BMP5: variants seen among roughly 807,000 people sequenced by gnomAD.
BMP5 encodes bone morphogenetic protein 5.
BMP5 carries 23 observed loss-of-function variants against 46.6 expected under a neutral mutation model. That is an observed-to-expected ratio of 0.49 (90% CI 0.35 to 0.70). The LOEUF is 0.70. Among genes scored for constraint, BMP5 ranks in the 30% least tolerant of loss-of-function variants. The pLI is 0.00. For missense variants in BMP5, 545 were observed against 565.6 expected, an observed-to-expected ratio of 0.96 and a Z score of 0.37; for synonymous variants, 204 against 191.9, an observed-to-expected ratio of 1.06 and a Z score of -0.52.
chr6:55,835,209 A>C (rs1341211248), intron 1 of BMP5, among the ~76,000 whole-genome samples: 1 of 152,164 alleles, frequency 6.6e-6, no homozygotes, highest in Non-Finnish European at 1.5e-5. Context: ...TTTTCAAGAT[A>C]TTATCGAAAA....
At chr6:55,797,844 C>A (rs57745532) in intron 2 of BMP5, among the ~76,000 whole-genome samples, 27,594 of 151,946 alleles carry the variant, frequency 0.18, 2,749 homozygotes, top group Middle Eastern at 0.26. Context: ...TCTCGATCTC[C>A]TGACCTCGTC....
At chr6:55,787,690 G>C (rs1365024692) in intron 3 of BMP5, among the ~76,000 whole-genome samples, 1 of 151,542 alleles carries the variant, frequency 6.6e-6, no homozygotes, top group Non-Finnish European at 1.5e-5. Context: ...AATTATCACA[G>C]GTTGAAAAGG....
chr6:55,847,241 C>T (rs1042039277), intron 1 of BMP5, among the ~76,000 whole-genome samples: 2 of 151,892 alleles, frequency 1.3e-5, no homozygotes, highest in African/African-American at 4.8e-5. Context: ...TTTGCCAGAC[C>T]CAGGATAAAT....
In BMP5 at chr6:55,874,513, G is replaced by T. The variant is rs778186001; in HGVS notation, c.353C>A (p.Ala118Asp). The T allele has an allele frequency of 1.9e-6, 3 of 1,613,288 alleles. No homozygotes were observed. Among genetic ancestry groups the T allele is most frequent in the African/African-American group, 2.7e-5 (2 of 74,814 alleles). Residue 118 changes from alanine (A) to aspartate (D), a missense_variant, in exon 1 of 7, where the codon GCC becomes GAC. By Grantham distance (126) the Ala-to-Asp change is moderately radical (BLOSUM62 -2). Transcript: ENST00000370830. ...ETRGARKGYPASPNGYPRRIQ... is the reference protein window; with the variant it reads ...ETRGARKGYPDSPNGYPRRIQ... ...GCGACGAGGATACCCATTGGGAGAG[G>T]CTGGGTATCCCTTTCTTGCCCCTCT...
At chr6:55,759,181 A>AAAAAAAAAAAAAAAC in intron 5 of BMP5, 66 bp from the exon 6 acceptor site, 1 of 751,016 alleles carries the variant, frequency 1.3e-6, no homozygotes, top group Admixed American at 3.2e-5. Flanking sequence ...AAAAAAAAAA[A>AAAAAAAAAAAAAAAC]AACAACAAGA....
At chr6:55,791,497 G>A (rs1447089835) in intron 3 of BMP5, among the ~76,000 whole-genome samples, 1 of 152,050 alleles carries the variant, frequency 6.6e-6, no homozygotes, top group African/African-American at 2.4e-5. Context: ...CCTTTTAAAG[G>A]AGTAAAACAT....
At chr6:55,772,160 A>G (rs1484268366) in intron 4 of BMP5, among the ~76,000 whole-genome samples, 1 of 151,952 alleles carries the variant, frequency 6.6e-6, no homozygotes, top group Non-Finnish European at 1.5e-5. Flanking sequence ...AAAAGAAAAT[A>G]TTGGTCTATA....
intron 1 of BMP5, among the ~76,000 whole-genome samples, chr6:55,857,013 G>A (rs549183727): frequency 3.3e-5 from 5 of 152,120 alleles, no homozygotes; most frequent in East Asian, 1.9e-4. Context: ...TGACACTGCC[G>A]AAGCTTTGTA....
At chr6:55,841,788 T>C (rs190346638) in intron 1 of BMP5, among the ~76,000 whole-genome samples, 2 of 152,188 alleles carry the variant, frequency 1.3e-5, no homozygotes, top group Admixed American at 1.3e-4. Flanking sequence ...AAAGGCTTTA[T>C]GTTAACTTAA....
In BMP5 at chr6:55,838,974, T is replaced by C. The variant is rs143639997; in HGVS notation, c.491-19127A>G. ...AATTGTATAATTGGATGAGTTTGAA[T>C]AGACGAATACACTTATCTAACTGAA... On this transcript the variant is annotated intron_variant, in intron 1 of 6. Coordinates refer to ENST00000370830, the MANE Select transcript of BMP5 (RefSeq NM_021073.4). Among the ~76,000 whole-genome samples, 644 of 152,304 alleles carry C rather than the reference T, an allele frequency of 4.2e-3. 4 individuals are homozygous for C. Among genetic ancestry groups the C allele is most frequent in the African/African-American group, 0.015 (612 of 41,580 alleles).
intron 6 of BMP5, among the ~76,000 whole-genome samples, chr6:55,758,175 T>C (rs2127514564): frequency 6.6e-6 from 1 of 152,066 alleles, no homozygotes; most frequent in South Asian, 2.1e-4. Flanking sequence ...ATGTGTTCTC[T>C]CCCATTCTTC....
chr6:55,845,142 G>T (rs1777065833), intron 1 of BMP5, among the ~76,000 whole-genome samples: 1 of 151,886 alleles, frequency 6.6e-6, no homozygotes, highest in Non-Finnish European at 1.5e-5. Flanking sequence ...ATCTTTACAT[G>T]GCACATGTGC....
intron 1 of BMP5, among the ~76,000 whole-genome samples, chr6:55,838,128 C>T (rs1776865793): frequency 6.6e-6 from 1 of 152,178 alleles, no homozygotes; most frequent in South Asian, 2.1e-4. Flanking sequence ...CACAGGAGTG[C>T]AGTTATCTCT....
intron 1 of BMP5, among the ~76,000 whole-genome samples, chr6:55,843,877 A>G (rs1027717129): frequency 4.6e-5 from 7 of 152,162 alleles, no homozygotes; most frequent in Non-Finnish European, 1.0e-4. Flanking sequence ...AAATAATTTT[A>G]AAATACACCT....
At chr6:55,865,887 G>T (rs929312334) in intron 1 of BMP5, among the ~76,000 whole-genome samples, 2 of 152,116 alleles carry the variant, frequency 1.3e-5, no homozygotes, top group Non-Finnish European at 2.9e-5. Context: ...TTTGCTCAAG[G>T]ATACGCAGCT....
In BMP5 at chr6:55,808,714, T is replaced by A. The variant is rs111873004; in HGVS notation, c.683+10941A>T. Among the ~76,000 whole-genome samples the A allele has an allele frequency of 3.1e-3, 465 of 152,256 alleles. 2 individuals are homozygous for A. Among genetic ancestry groups the A allele is most frequent in the African/African-American group, 0.011 (438 of 41,548 alleles). On this transcript the variant is annotated intron_variant, in intron 2 of 6. Transcript: ENST00000370830. ...ACCACCTCCCTTGGCTGGGGGGTGG[T>A]GGCCCCTCTGCCCCATGAGGCCCTC...
chr6:55,822,735 A>T (rs1029030516), intron 1 of BMP5, among the ~76,000 whole-genome samples: 1 of 152,134 alleles, frequency 6.6e-6, no homozygotes, highest in Non-Finnish European at 1.5e-5. Context: ...CCCCTGTGAG[A>T]TGTTAGTGTA....
chr6:55,855,570 C>T (rs547954800), intron 1 of BMP5, among the ~76,000 whole-genome samples: 7 of 152,158 alleles, frequency 4.6e-5, no homozygotes, highest in African/African-American at 1.7e-4. Context: ...ATTAACAACC[C>T]TTAGACGAAT....
intron 1 of BMP5, among the ~76,000 whole-genome samples, chr6:55,846,343 A>C (rs1777097255): frequency 6.6e-6 from 1 of 151,912 alleles, no homozygotes; most frequent in Admixed American, 6.6e-5. Context: ...TTTGGTTAAT[A>C]TTTTATTTGG....
Sources: allele counts gnomAD v4.1 joint callset (sites outside exome capture counted in the v4.1 genomes callset), GRCh38; gene constraint gnomAD v4.1.1; transcripts MANE v1.5; gene names NCBI Gene and HGNC (gene_info 2026-07-23, HGNC 2026-07-21).